Variants in OLFM1 observed in about 807,000 individuals in gnomAD.
OLFM1 encodes olfactomedin 1, also known as noelin.
OLFM1 carries 9 observed loss-of-function variants against 49.7 expected under a neutral mutation model. The observed-to-expected ratio is 0.18, with a 90% CI of 0.11 to 0.32. OLFM1 has a LOEUF of 0.32. Ranked by LOEUF, OLFM1 falls within the 10% of genes least tolerant of loss-of-function variation. The probability of loss-of-function intolerance (pLI) is 1.00; values close to 1 mark genes in which losing one functional copy is unlikely to be tolerated. For synonymous variants in OLFM1, 240 were observed against 271.8 expected (o/e 0.88, Z 1.15); for missense variants, 369 against 661.8 (o/e 0.56, Z 4.85).
upstream of OLFM1, among the ~76,000 whole-genome samples, chr9:135,084,992 G>C (rs1194974238): frequency 1.3e-5 from 2 of 152,182 alleles, no homozygotes; most frequent in Non-Finnish European, 2.9e-5. This position sits in a 1 kb window ranked among gnomAD's most constrained non-coding sequence, Gnocchi z 4.6. Context: ...TCTATAGCAA[G>C]CTGGGCAGGA....
At chr9:135,102,654 C>T (rs1004358991) in intron 4 of OLFM1, among the ~76,000 whole-genome samples, 6 of 152,180 alleles carry the variant, frequency 3.9e-5, no homozygotes, top group Non-Finnish European at 8.8e-5. Flanking sequence ...GGGGATGCAG[C>T]ATGGTTCTCA....
At chr9:135,118,995 G>A (rs992806236) in intron 5 of OLFM1, among the ~76,000 whole-genome samples, 9 of 146,850 alleles carry the variant, frequency 6.1e-5, no homozygotes, top group Non-Finnish European at 1.2e-4. Flanking sequence ...CATGCTCGCC[G>A]GGTCTTTGGA....
chr9:135,085,303 C>T (rs1297075145), upstream of OLFM1, among the ~76,000 whole-genome samples: 1 of 152,220 alleles, frequency 6.6e-6, no homozygotes, highest in East Asian at 1.9e-4. Context: ...TGCGGACAGC[C>T]AGGGCTGCTG....
chr9:135,118,991 C>T (rs924860254), intron 5 of OLFM1, among the ~76,000 whole-genome samples: 25 of 150,654 alleles, frequency 1.7e-4, no homozygotes, highest in African/African-American at 5.9e-4. Context: ...TTGGCATGCT[C>T]GCCGGGTCTT....
intron 5 of OLFM1, among the ~76,000 whole-genome samples, chr9:135,109,105 C>T (rs972160645): frequency 7.9e-5 from 12 of 152,118 alleles, no homozygotes; most frequent in African/African-American, 2.2e-4. Flanking sequence ...GTATCTAACA[C>T]CCCCCAGGAC....
At chr9:135,111,535 T>G (rs1297840233) in intron 5 of OLFM1, among the ~76,000 whole-genome samples, 1 of 152,136 alleles carries the variant, frequency 6.6e-6, no homozygotes, top group Non-Finnish European at 1.5e-5. Context: ...ATCTGAACTT[T>G]CCTGCCTGTG....
chr9:135,097,417 C>G (rs1010325947), intron 3 of OLFM1, among the ~76,000 whole-genome samples: 1 of 152,152 alleles, frequency 6.6e-6, no homozygotes. Context: ...GCCAGCACTC[C>G]CTTCTCTGCG....
intron 2 of OLFM1, among the ~76,000 whole-genome samples, chr9:135,091,855 T>TCTCA (rs1564271195): frequency 9.3e-6 from 1 of 107,598 alleles, no homozygotes; most frequent in East Asian, 3.5e-4. Context: ...TCACACATAG[T>TCTCA]CACACACACT....
At chr9:135,115,077 C>T (rs970012454) in intron 5 of OLFM1, among the ~76,000 whole-genome samples, 3 of 152,220 alleles carry the variant, frequency 2.0e-5, no homozygotes, top group African/African-American at 4.8e-5. Flanking sequence ...GAGCTTGACA[C>T]ACACAGATCC....
chr9:135,093,213 C>T, intron 2 of OLFM1, among the ~76,000 whole-genome samples: 1 of 152,204 alleles, frequency 6.6e-6, no homozygotes, highest in East Asian at 1.9e-4. Context: ...GGAAGCCTCA[C>T]CAGGTAGTTC....
intron 1 of OLFM1, among the ~76,000 whole-genome samples, chr9:135,081,539 G>A (rs528035575): frequency 4.6e-5 from 7 of 152,230 alleles, no homozygotes; most frequent in East Asian, 3.9e-4. Context: ...CAGCAGGCCC[G>A]TCCACCCCTT....
In OLFM1 at chr9:135,098,240, A is replaced by C; in HGVS notation, c.457-46A>C. 1 of 1,596,816 alleles carries C rather than the reference A, an allele frequency of 6.3e-7. No individual in the cohort carries two copies. The highest frequency in any genetic ancestry group is 8.6e-7 in the Non-Finnish European group (1 of 1,166,712). ...AAGCCAGGCCAAGGCAGGGTGTGAGAGTTCTTGCATGCATCGCACTGAACC... is the reference window on the plus strand; with the variant it reads ...AAGCCAGGCCAAGGCAGGGTGTGAGCGTTCTTGCATGCATCGCACTGAACC... On this transcript the variant is annotated intron_variant, in intron 3 of 5. Transcript: ENST00000371793. The surrounding 1 kb of genome is among the most constrained non-coding windows in gnomAD (Gnocchi z 5.6).
rs56262756 is a variant in OLFM1 at position 135,093,208 on chromosome 9, C to T, written c.301-2656C>T. 9.4e-3 allele frequency among the ~76,000 whole-genome samples: 1,429 copies of T among 152,310 alleles called. 25 individuals are homozygous for T. The highest frequency in any genetic ancestry group is 0.033 in the African/African-American group (1,358 of 41,560). On this transcript the variant is annotated intron_variant, in intron 2 of 5. Coordinates refer to ENST00000371793, the MANE Select transcript of OLFM1 (RefSeq NM_001282611.2). ...ACCCAGGTATGTACAGCCCTGGAAG[C>T]CTCACCAGGTAGTTCCATGCAGCTA...
intron 5 of OLFM1, among the ~76,000 whole-genome samples, chr9:135,118,287 C>CGGGTCTTTGGAGTGCTCACT (rs1564282043): frequency 7.0e-6 from 1 of 143,490 alleles, no homozygotes; most frequent in Non-Finnish European, 1.5e-5. Flanking sequence ...GAGTGCTCAC[C>CGGGTCTTTGGAGTGCTCACT]GGGTCTTTGG....
chr9:135,088,224 G>A lies in OLFM1; in HGVS notation c.150+85G>A. On this transcript the variant is annotated intron_variant, in intron 1 of 5. Coordinates refer to ENST00000371793, the MANE Select transcript of OLFM1 (RefSeq NM_001282611.2). The surrounding 1 kb of genome is among the most constrained non-coding windows in gnomAD (Gnocchi z 4.8). ...TCGGTCCGGAGCCCCGGGCTGGGCG[G>A]GCGCCGCGCGGGACCCGAGTCGCCC... is the stretch of plus-strand genomic sequence containing the variant. 1 of 1,173,876 alleles carries A rather than the reference G, an allele frequency of 8.5e-7. No homozygotes were observed. Among genetic ancestry groups the A allele is most frequent in the Non-Finnish European group, 1.1e-6 (1 of 939,136 alleles). The allele number at this position is 1,173,876 out of a possible 1,614,324, so 72.7% of individuals were successfully genotyped here.
rs116150624 is a variant in OLFM1 at position 135,106,364 on chromosome 9, C to T, written c.677-385C>T. The stretch of plus-strand genomic sequence containing the variant: ...AATGCCCTTGGGGGTGGAGCCGCTG[C>T]GTTCCCATCTCCAAGAGAAGAAAAT... On this transcript the variant is annotated intron_variant, in intron 4 of 5. Transcript: ENST00000371793. 4.8e-3 allele frequency: 972 copies of T among 204,274 alleles called. 8 individuals are homozygous for T. Among genetic ancestry groups the T allele is most frequent in the African/African-American group, 0.019 (795 of 42,864 alleles). The allele number at this position is 204,274 out of a possible 1,614,324, so 12.7% of individuals were successfully genotyped here. A position where few individuals can be genotyped will look rare whatever the true frequency, so the allele number is the denominator to read the frequency against.
chr9:135,085,102 C>T (rs936605138), upstream of OLFM1, among the ~76,000 whole-genome samples: 2 of 152,170 alleles, frequency 1.3e-5, no homozygotes, highest in African/African-American at 4.8e-5. Context: ...CAGAGTCCAC[C>T]AAGGTCAAGG....
rs1015532291 is a variant in OLFM1 at position 135,098,728 on chromosome 9, A to G, written c.676+223A>G. On this transcript the variant is annotated intron_variant, in intron 4 of 5. Transcript: ENST00000371793. The surrounding 1 kb of genome is among the most constrained non-coding windows in gnomAD (Gnocchi z 5.6). ...GAGCCGGGTCTTGTGCAGAGGCCAC[A>G]GACCCCGCTGAGTCGCACATCTGGA... Among the ~76,000 whole-genome samples the G allele has an allele frequency of 6.6e-6, 1 of 152,098 alleles. No individual in the cohort carries two copies. Among genetic ancestry groups the G allele is most frequent in the Non-Finnish European group, 1.5e-5 (1 of 68,044 alleles).
upstream of OLFM1, chr9:135,087,443 G>T (rs973925136): frequency 3.9e-6 from 6 of 1,542,704 alleles, no homozygotes; most frequent in Admixed American, 2.0e-5. Flanking sequence ...CCGCCGCCGG[G>T]TATTTTATGA....
Sources: allele counts gnomAD v4.1 joint callset (sites outside exome capture counted in the v4.1 genomes callset), GRCh38; gene constraint gnomAD v4.1.1; non-coding constraint Gnocchi (gnomAD v3.1); transcripts MANE v1.5; gene names NCBI Gene and HGNC (gene_info 2026-07-23, HGNC 2026-07-21).